Variants in ANK2 observed in about 807,000 individuals in gnomAD.
ANK2 encodes the protein ankyrin-2.
Under a neutral mutation model 360.5 loss-of-function variants are expected in ANK2, and 83 were observed. The ratio of observed to expected loss-of-function variants is 0.23; its 90% CI spans 0.19 to 0.28. The LOEUF is 0.28. ANK2 is among the 10% of genes least tolerant of loss of function. The pLI is 1.00. For synonymous variants in ANK2, 1,740 were observed against 1,759.5 expected (o/e 0.99, Z 0.28); for missense variants, 4,201 against 4,795.7 (o/e 0.88, Z 3.66).
At chr4:113,145,588 C>T in intron 1 of ANK2, 3 of 1,052,568 alleles carry the variant, frequency 2.9e-6, no homozygotes, top group Non-Finnish European at 3.5e-6. Context: ...ACTCCATTGA[C>T]ATGCATAGCT....
intron 33 of ANK2, 88 bp downstream of exon 33, chr4:113,342,004 A>G (rs1044829936): frequency 1.6e-6 from 2 of 1,250,528 alleles, no homozygotes. Context: ...TTTAATAAAT[A>G]GAATAATTAA....
chr4:112,945,616 C>G (rs1182073243), intron 2 of ANK2, among the ~76,000 whole-genome samples: 1 of 152,160 alleles, frequency 6.6e-6, no homozygotes, highest in Non-Finnish European at 1.5e-5. Context: ...GCAAAAAAGG[C>G]TTATTTCCTT....
rs560205760 is a variant in ANK2, at chr4:113,381,981, C to A, written c.*510C>A. On this transcript the variant is annotated 3_prime_UTR_variant, in exon 46 of 46. Coordinates refer to ENST00000357077, the MANE Select transcript of ANK2 (RefSeq NM_001148.6). ...TTCACCTGCAGACCTCTTCAAGTGA[C>A]ACTATGTAGGAATCCTTCCAAGGAA... 1.8e-4 allele frequency: 54 copies of A among 306,628 alleles called. No homozygotes were observed. Among genetic ancestry groups the A allele is most frequent in the African/African-American group, 1.1e-3 (50 of 46,472 alleles). The allele number at this position is 306,628 out of a possible 1,614,324, so 19.0% of individuals were successfully genotyped here.
chr4:113,053,591 A>G (rs538696456), intron 1 of ANK2, among the ~76,000 whole-genome samples: 3 of 152,228 alleles, frequency 2.0e-5, no homozygotes, highest in South Asian at 2.1e-4. Flanking sequence ...AGACAACTCT[A>G]TAAAGATTTT....
intron 2 of ANK2, among the ~76,000 whole-genome samples, chr4:113,185,399 AG>A (rs1483886756): frequency 6.6e-6 from 1 of 152,164 alleles, no homozygotes; most frequent in Non-Finnish European, 1.5e-5. Context: ...TTTTAGTGAT[AG>A]CCATTCTAAC....
Position 113,339,202 on chromosome 4 carries a change from TTTTC to T in ANK2, c.3797-23_3797-20del. On this transcript the variant is annotated intron_variant, in intron 31 of 45. Coordinates refer to ENST00000357077, the MANE Select transcript of ANK2 (RefSeq NM_001148.6). ...TAGAGTCTGGAGTTTTGCCTGATTT[TTTTC>T]AACAATCATATTATTTCAGGTGGAA... is the stretch of plus-strand genomic sequence containing the variant. The T allele has an allele frequency of 1.3e-6, 2 of 1,592,550 alleles. No individual in the cohort carries two copies. Among genetic ancestry groups the T allele is most frequent in the Non-Finnish European group, 1.7e-6 (2 of 1,161,346 alleles).
intron 1 of ANK2, among the ~76,000 whole-genome samples, chr4:112,822,027 C>T (rs767675503): frequency 6.6e-6 from 1 of 152,042 alleles, no homozygotes; most frequent in Non-Finnish European, 1.5e-5. Flanking sequence ...CTCAGCCTCC[C>T]AAAGAGCTGG....
intron 1 of ANK2, among the ~76,000 whole-genome samples, chr4:113,154,393 C>A (rs1686125318): frequency 6.6e-6 from 1 of 152,170 alleles, no homozygotes; most frequent in Admixed American, 6.5e-5. Flanking sequence ...GTCAAAATTT[C>A]ATTCCATTGT....
rs188095531 is a variant in ANK2 at position 113,144,608 on chromosome 4, A to C, written c.85-29808A>C. Among the ~76,000 whole-genome samples the C allele has an allele frequency of 1.6e-4, 24 of 151,536 alleles. No homozygotes were observed. The East Asian group carries it at 4.6e-3, about 29-fold the overall frequency. ...TATTTAATTTATAGCATGTGGATGG[A>C]TAATATAAAATCTAAGTCTGGACCC... On this transcript the variant is annotated intron_variant, in intron 1 of 45. Coordinates refer to ENST00000357077, the MANE Select transcript of ANK2 (RefSeq NM_001148.6).
intron 1 of ANK2, among the ~76,000 whole-genome samples, chr4:112,834,821 A>AT (rs1159940011): frequency 2.9e-4 from 44 of 152,348 alleles, no homozygotes; most frequent in African/African-American, 9.4e-4. Flanking sequence ...TATTTTAAAA[A>AT]ATCAGATCTT....
At chr4:113,217,772 T>G (rs1366550410) in intron 4 of ANK2, among the ~76,000 whole-genome samples, 1 of 152,120 alleles carries the variant, frequency 6.6e-6, no homozygotes, top group African/African-American at 2.4e-5. Context: ...GTTCATGGCC[T>G]GGGGGATGGG....
chr4:113,347,512 G>GAA, intron 35 of ANK2, among the ~76,000 whole-genome samples: 1 of 152,116 alleles, frequency 6.6e-6, no homozygotes, highest in South Asian at 2.1e-4. Flanking sequence ...AGCTTTCAGT[G>GAA]TGCTCTAAGA....
the ANK2 span, among the ~76,000 whole-genome samples, chr4:112,723,057 C>A: frequency 1.3e-5 from 2 of 152,052 alleles, no homozygotes; most frequent in African/African-American, 2.4e-5. Context: ...TGCCATCCAA[C>A]GAAACTAAGT....
intron 2 of ANK2, among the ~76,000 whole-genome samples, chr4:113,000,360 G>T (rs2050174593): frequency 1.3e-5 from 2 of 152,184 alleles, no homozygotes; most frequent in African/African-American, 4.8e-5. Context: ...GGAAGTTTAT[G>T]TCCTGCTTTT....
At chr4:112,749,524 CTT>C in the ANK2 span, among the ~76,000 whole-genome samples, 1 of 152,088 alleles carries the variant, frequency 6.6e-6, no homozygotes, top group African/African-American at 2.4e-5. Flanking sequence ...TTACTCCAGA[CTT>C]TTTCAGAGTC....
the ANK2 span, among the ~76,000 whole-genome samples, chr4:112,782,217 T>G: frequency 6.6e-6 from 1 of 152,142 alleles, no homozygotes; most frequent in East Asian, 1.9e-4. Context: ...AATAATCTCA[T>G]ATGTGTTTCT....
chr4:113,363,588 G>GAATATCATTTT (rs2096363403), intron 40 of ANK2, 119 bp downstream of exon 40: 3 of 1,066,040 alleles, frequency 2.8e-6, no homozygotes, highest in Admixed American at 3.5e-5. Context: ...CAGTACAGTG[G>GAATATCATTTT]GTCCTTGAGT....
At chr4:113,364,990 T>G (rs1404974174) in intron 40 of ANK2, 49 bp from the exon 41 acceptor site, 18 of 1,611,850 alleles carry the variant, frequency 1.1e-5, no homozygotes, top group Non-Finnish European at 1.3e-5. Context: ...AAAGAGATTT[T>G]TAAGAGTACC....
At chr4:112,729,771 G>GAAAGA in the ANK2 span, among the ~76,000 whole-genome samples, 16 of 148,944 alleles carry the variant, frequency 1.1e-4, no homozygotes, top group Non-Finnish European at 4.5e-5. Context: ...AGAAAAGAAA[G>GAAAGA]AAAGAAAAGA....
Sources: allele counts gnomAD v4.1 joint callset (sites outside exome capture counted in the v4.1 genomes callset), GRCh38; gene constraint gnomAD v4.1.1; transcripts MANE v1.5; gene names NCBI Gene and HGNC (gene_info 2026-07-23, HGNC 2026-07-21).